The following RGS17 variants were observed in gnomAD, a reference collection of about 807,000 sequenced individuals.
RGS17 encodes regulator of G-protein signaling 17.
A neutral mutation model predicts 25.5 loss-of-function variants in RGS17; 12 were observed. The ratio of observed to expected loss-of-function variants is 0.47; its 90% confidence interval spans 0.30 to 0.76. The LOEUF (loss-of-function observed/expected upper bound fraction) is 0.76. Among genes scored for constraint, RGS17 ranks in the 30% least tolerant of loss-of-function variants. The pLI is 0.07. For synonymous variants in RGS17, 71 were observed against 76.9 expected (o/e 0.92, Z 0.40); for missense variants, 196 against 242.2 (o/e 0.81, Z 1.27).
intron 1 of RGS17, among the ~76,000 whole-genome samples, chr6:153,106,542 A>G (rs373734728): frequency 3.6e-4 from 54 of 151,698 alleles, no homozygotes; most frequent in African/African-American, 1.3e-3. Flanking sequence ...GGGAGAATTC[A>G]CTAAGTTCAC....
At chr6:153,066,960 T>A (rs6904954) in intron 1 of RGS17, among the ~76,000 whole-genome samples, 58,299 of 151,694 alleles carry the variant, frequency 0.38, 11,886 homozygotes, top group East Asian at 0.62. Context: ...GAATGGCGTG[T>A]ACCTGGGAGG....
At chr6:153,028,053 T>C (rs1334177346) in intron 2 of RGS17, among the ~76,000 whole-genome samples, 1 of 151,938 alleles carries the variant, frequency 6.6e-6, no homozygotes, top group Non-Finnish European at 1.5e-5. Flanking sequence ...CAATGGAAAG[T>C]GAGGCTAGAT....
intron 2 of RGS17, among the ~76,000 whole-genome samples, chr6:153,037,221 CAG>C (rs1393207084): frequency 6.7e-6 from 1 of 150,096 alleles, no homozygotes; most frequent in Non-Finnish European, 1.5e-5. Flanking sequence ...CACACACACA[CAG>C]GAGCATGAAG....
In RGS17 at chr6:153,014,753, G is replaced by A. The variant is rs537072800; in HGVS notation, c.445-2991C>T. Among the ~76,000 whole-genome samples the A allele has an allele frequency of 2.8e-4, 43 of 150,942 alleles. No homozygotes were observed. The Middle Eastern group carries it at 0.021, about 72-fold the overall frequency. On this transcript the variant is annotated intron_variant, in intron 4 of 4. Coordinates refer to ENST00000206262, the MANE Select transcript of RGS17 (RefSeq NM_012419.5). ...GCAGAGCTTGCAGTGAGTCTTGATC[G>A]CGTTGCTGCACTCCAGACTGGGCTA... is the stretch of plus-strand genomic sequence containing the variant.
chr6:153,082,723 T>A (rs564212039), intron 1 of RGS17, among the ~76,000 whole-genome samples: 5 of 152,326 alleles, frequency 3.3e-5, no homozygotes, highest in Non-Finnish European at 5.9e-5. Context: ...TGTTTTTGCA[T>A]CTCTAGTAAT....
At chr6:153,072,688 G>A (rs1376041964) in intron 1 of RGS17, among the ~76,000 whole-genome samples, 1 of 152,206 alleles carries the variant, frequency 6.6e-6, no homozygotes, top group East Asian at 1.9e-4. Flanking sequence ...GCTAGCAGAA[G>A]TAGAGGCCTC....
intron 1 of RGS17, among the ~76,000 whole-genome samples, chr6:153,094,436 T>A (rs993407340): frequency 6.6e-6 from 1 of 152,188 alleles, no homozygotes; most frequent in Non-Finnish European, 1.5e-5. Context: ...AATATCATAA[T>A]AATGTTGATA....
intron 1 of RGS17, among the ~76,000 whole-genome samples, chr6:153,108,557 C>T (rs1258318028): frequency 6.6e-6 from 1 of 151,872 alleles, no homozygotes; most frequent in Admixed American, 6.6e-5. Context: ...CATATATTTC[C>T]TTGAATGAGA....
chr6:153,029,989 C>G (rs539195922), intron 2 of RGS17, among the ~76,000 whole-genome samples: 1 of 152,212 alleles, frequency 6.6e-6, no homozygotes, highest in African/African-American at 2.4e-5. Context: ...ACAAAGAGAA[C>G]TAAACACATA....
intron 1 of RGS17, among the ~76,000 whole-genome samples, chr6:153,048,254 C>T (rs1293989975): frequency 6.6e-6 from 1 of 152,300 alleles, no homozygotes; most frequent in Admixed American, 6.5e-5. Context: ...TCATCCTTCT[C>T]ATTTTTCACA....
At chr6:153,083,288 T>C (rs1777009093) in intron 1 of RGS17, among the ~76,000 whole-genome samples, 1 of 152,152 alleles carries the variant, frequency 6.6e-6, no homozygotes, top group African/African-American at 2.4e-5. Flanking sequence ...AAAGAATACA[T>C]CATGAGACTA....
At position 153,094,082 on chromosome 6, in the gene RGS17, C is replaced by CTT. The variant is rs11371951; in HGVS notation, c.-26+37040_-26+37041dup. Reference sequence around the variant, plus strand: ...ATATATTACACACATCTATACTGAACTTTTTTTTTTTTTGACTGACTCTCA... The same window carrying CTT: ...ATATATTACACACATCTATACTGAACTTTTTTTTTTTTTTTGACTGACTCTCA... On this transcript the variant is annotated intron_variant, in intron 1 of 4. Transcript: ENST00000206262. Among the ~76,000 whole-genome samples the CTT allele has an allele frequency of 2.7e-4, 40 of 146,552 alleles. 1 individual carries two copies. The highest frequency in any genetic ancestry group is 4.0e-4 in the East Asian group (2 of 4,996).
chr6:153,030,934 A>G (rs1779355784), intron 2 of RGS17, among the ~76,000 whole-genome samples: 1 of 152,190 alleles, frequency 6.6e-6, no homozygotes, highest in African/African-American at 2.4e-5. Flanking sequence ...GTGCTTTTGC[A>G]TAAGAGAATT....
At chr6:153,027,840 A>C (rs1779319369) in intron 2 of RGS17, among the ~76,000 whole-genome samples, 1 of 152,214 alleles carries the variant, frequency 6.6e-6, no homozygotes, top group African/African-American at 2.4e-5. Flanking sequence ...GAATGCAAAG[A>C]AGGGTCACTA....
At chr6:153,063,783 C>T (rs546737201) in intron 1 of RGS17, among the ~76,000 whole-genome samples, 33 of 152,158 alleles carry the variant, frequency 2.2e-4, no homozygotes, top group South Asian at 1.2e-3. Context: ...AGAAGATTAT[C>T]GCAAGGGATT....
chr6:153,094,169 G>A lies in RGS17; in HGVS notation c.-26+36955C>T, dbSNP rs181421335. Reference sequence around the variant, plus strand: ...TGGCTCACTGCAATCTCTGCCTCCCGGGTTCAAGCGATTCTCATGCCTCAG... The same window carrying A: ...TGGCTCACTGCAATCTCTGCCTCCCAGGTTCAAGCGATTCTCATGCCTCAG... On this transcript the variant is annotated intron_variant, in intron 1 of 4. Coordinates refer to ENST00000206262, the MANE Select transcript of RGS17 (RefSeq NM_012419.5). 1.0e-3 allele frequency among the ~76,000 whole-genome samples: 152 copies of A among 151,476 alleles called. 4 individuals carry two copies. The East Asian group carries it at 0.027, about 27-fold the overall frequency.
chr6:153,019,868 A>G (rs1779221966), intron 4 of RGS17, among the ~76,000 whole-genome samples: 1 of 151,986 alleles, frequency 6.6e-6, no homozygotes, highest in Non-Finnish European at 1.5e-5. Context: ...TCTTTTCAAT[A>G]ATAAATATAA....
At chr6:153,093,257 T>G (rs1313925046) in intron 1 of RGS17, among the ~76,000 whole-genome samples, 2 of 152,148 alleles carry the variant, frequency 1.3e-5, no homozygotes, top group Non-Finnish European at 2.9e-5. Flanking sequence ...CAATGGCTCT[T>G]TTTATGGTGC....
chr6:153,076,824 G>A (rs1043866411), intron 1 of RGS17, among the ~76,000 whole-genome samples: 13 of 152,058 alleles, frequency 8.5e-5, no homozygotes, highest in African/African-American at 2.9e-4. Flanking sequence ...AGAAAAGTGC[G>A]AGCTAATGAT....
Sources: allele counts gnomAD v4.1 joint callset (sites outside exome capture counted in the v4.1 genomes callset), GRCh38; gene constraint gnomAD v4.1.1; transcripts MANE v1.5; gene names NCBI Gene and HGNC (gene_info 2026-07-23, HGNC 2026-07-21).